DNAH9: variants seen among roughly 807,000 people sequenced by gnomAD.
The protein encoded by DNAH9 is dynein axonemal heavy chain 9.
Under a neutral mutation model 471.6 loss-of-function variants are expected in DNAH9, and 345 were observed. The observed-to-expected ratio is 0.73, with a 90% CI of 0.67 to 0.80. The LOEUF is 0.80. DNAH9 is among the 30% of genes least tolerant of loss of function. DNAH9 has a pLI of 0.00. For synonymous variants in DNAH9, 2,093 were observed against 2,123.6 expected (o/e 0.99, Z 0.40); for missense variants, 5,407 against 5,609.2 (o/e 0.96, Z 1.15).
Position 11,610,395 on chromosome 17 carries a change from G to A in DNAH9, c.615-1G>A. On this transcript the variant is annotated splice_acceptor_variant, in intron 2 of 68. Transcript: ENST00000262442. LOFTEE classifies it high-confidence loss of function. ...CATTGTTGTTGTTTTGTCTTTCACA[G>A]CTTGGATTCTATAGATAAGTCAGTC... 1 of 1,610,928 alleles carries A rather than the reference G, an allele frequency of 6.2e-7. No individual in the cohort carries two copies. Among genetic ancestry groups the A allele is most frequent in the Non-Finnish European group, 8.5e-7 (1 of 1,178,658 alleles).
chr17:11,633,758 C>T (rs748723194), intron 8 of DNAH9, among the ~76,000 whole-genome samples: 4 of 151,020 alleles, frequency 2.6e-5, no homozygotes, highest in African/African-American at 9.7e-5. Flanking sequence ...AAACTCCATT[C>T]GTGCACTAAG....
In DNAH9 at chr17:11,865,982, G is replaced by A. The variant is rs1346591097; in HGVS notation, c.9934-3152G>A. On this transcript the variant is annotated intron_variant, in intron 50 of 68. Coordinates refer to ENST00000262442, the MANE Select transcript of DNAH9 (RefSeq NM_001372.4). ...TGGTTTGAATTTCCTCCTGTAGCTC[G>A]TAGTTTGATCGTCTGAAGCCTTCTT... Among the ~76,000 whole-genome samples the A allele has an allele frequency of 9.2e-5, 14 of 152,014 alleles. 1 individual carries two copies. Among genetic ancestry groups the A allele is most frequent in the Middle Eastern group, 6.8e-3 (2 of 294 alleles).
At chr17:11,683,463 C>T (rs977021553) in intron 19 of DNAH9, among the ~76,000 whole-genome samples, 36 of 152,222 alleles carry the variant, frequency 2.4e-4, no homozygotes, top group African/African-American at 7.2e-4. Context: ...TGAACCACCA[C>T]GCCCGGCCCA....
At chr17:11,794,083 C>T (rs1049367523) in intron 42 of DNAH9, among the ~76,000 whole-genome samples, 3 of 120,420 alleles carry the variant, frequency 2.5e-5, no homozygotes, top group East Asian at 4.8e-4. Flanking sequence ...CTTGCTCTTT[C>T]GCCCAGGCTG....
Position 11,598,712 on chromosome 17 carries a change from C to CTGGT in DNAH9, c.215_218dup (p.Val74GlyfsTer20). On this transcript the variant is annotated frameshift_variant, in exon 1 of 69. Coordinates refer to ENST00000262442, the MANE Select transcript of DNAH9 (RefSeq NM_001372.4). LOFTEE classifies it high-confidence loss of function. ...TGCTGCCGAGGGGCCGCGGCCGCTG[C>CTGGT]TGGTGGTGCGGCCCGGGCCCAGGGG... 7.3e-7 allele frequency: 1 copy of CTGGT among 1,376,588 alleles called. No homozygotes were observed. Among genetic ancestry groups the CTGGT allele is most frequent in the African/African-American group, 1.5e-5 (1 of 65,260 alleles). 85.3% of individuals were successfully genotyped at this position (1,376,588 alleles called of 1,614,324 possible).
At chr17:11,816,036 C>A (rs921557770) in intron 45 of DNAH9, among the ~76,000 whole-genome samples, 1 of 152,100 alleles carries the variant, frequency 6.6e-6, no homozygotes, top group Non-Finnish European at 1.5e-5. Context: ...GGATTAACTT[C>A]TACCCACAGT....
At chr17:11,926,038 A>G (rs867175269) in intron 62 of DNAH9, among the ~76,000 whole-genome samples, 21,323 of 114,968 alleles carry the variant, frequency 0.19, 2,409 homozygotes, top group Non-Finnish European at 0.26. Context: ...ATTCTCTGAA[A>G]AAAAAAAAAA....
chr17:11,694,621 T>TTTG (rs2074399179), intron 22 of DNAH9, among the ~76,000 whole-genome samples, 174 bp downstream of exon 22: 1 of 28,670 alleles, frequency 3.5e-5, no homozygotes, highest in East Asian at 9.3e-4. Context: ...TTTCTTGCTT[T>TTTG]CTTGCTTTCT....
intron 38 of DNAH9, among the ~76,000 whole-genome samples, chr17:11,776,273 A>G (rs1232198687): frequency 6.6e-6 from 1 of 151,854 alleles, no homozygotes; most frequent in Non-Finnish European, 1.5e-5. Flanking sequence ...AGTGATATCA[A>G]TGTTAAGATA....
intron 1 of DNAH9, among the ~76,000 whole-genome samples, chr17:11,607,641 C>T (rs924144993): frequency 2.6e-5 from 4 of 152,044 alleles, no homozygotes; most frequent in African/African-American, 9.7e-5. Context: ...GTGATCTCGA[C>T]TCACTGCAAC....
chr17:11,653,715 C>T (rs560665699), intron 14 of DNAH9, among the ~76,000 whole-genome samples: 1 of 152,288 alleles, frequency 6.6e-6, no homozygotes, highest in South Asian at 2.1e-4. Context: ...GAGCCTTAAG[C>T]ACTAATGATT....
At chr17:11,644,526 C>T (rs1201103239) in intron 10 of DNAH9, 105 bp from the exon 11 acceptor site, 9 of 801,966 alleles carry the variant, frequency 1.1e-5, no homozygotes, top group Non-Finnish European at 1.8e-5. Flanking sequence ...TGGAAACGAG[C>T]CAAGGAGCTA....
chr17:11,624,818 C>T (rs2072941189), intron 6 of DNAH9, among the ~76,000 whole-genome samples: 1 of 152,144 alleles, frequency 6.6e-6, no homozygotes, highest in Non-Finnish European at 1.5e-5. Flanking sequence ...TGCCCTTATA[C>T]ACTCTGTTCT....
At chr17:11,785,211 T>C (rs1968819219) in intron 41 of DNAH9, among the ~76,000 whole-genome samples, 1 of 152,014 alleles carries the variant, frequency 6.6e-6, no homozygotes, top group African/African-American at 2.4e-5. Context: ...AGATGTAGTA[T>C]CCTCATGTAG....
At position 11,669,074 on chromosome 17, in the gene DNAH9, A is replaced by T; in HGVS notation, c.2742A>T (p.Ala914=). ...KYLLENTECK[A]GLTPIFEAQL... is the part of the protein sequence containing the mutation. ...TTCTGTGTTTTTCAGAGTGTAAGGC[A>T]GGACTTACCCCAATATTTGAAGCAC... is the stretch of plus-strand genomic sequence containing the variant. The change falls in exon 16 of 69, where the codon GCA becomes GCT. Residue 914 remains alanine, a synonymous_variant. Coordinates refer to ENST00000262442, the MANE Select transcript of DNAH9 (RefSeq NM_001372.4). The T allele has an allele frequency of 3.1e-6, 5 of 1,611,606 alleles. No individual in the cohort carries two copies. The highest frequency in any genetic ancestry group is 4.2e-6 in the Non-Finnish European group (5 of 1,178,276).
At chr17:11,719,897 T>G (rs2150802466) in intron 27 of DNAH9, among the ~76,000 whole-genome samples, 1 of 152,330 alleles carries the variant, frequency 6.6e-6, no homozygotes, top group African/African-American at 2.4e-5. Flanking sequence ...TGTCTTCACA[T>G]AAAAGCTTGA....
At position 11,827,940 on chromosome 17, in the gene DNAH9, T is replaced by C. The variant is rs367798723; in HGVS notation, c.9246+4906T>C. Among the ~76,000 whole-genome samples, 24 of 152,180 alleles carry C rather than the reference T, an allele frequency of 1.6e-4. No individual in the cohort carries two copies. In the South Asian group the frequency reaches 5.0e-3, roughly 32 times the overall value. On this transcript the variant is annotated intron_variant, in intron 48 of 68. Transcript: ENST00000262442. ...ACCTCAGGTGATCCACGTCCTTGGTTCTTTTTACTCTCCTCTTACTCTCAC... is the reference window on the plus strand; with the variant it reads ...ACCTCAGGTGATCCACGTCCTTGGTCCTTTTTACTCTCCTCTTACTCTCAC...
intron 65 of DNAH9, among the ~76,000 whole-genome samples, chr17:11,934,435 ATTTTTTTTTTTTT>A (rs547023975): frequency 3.5e-5 from 3 of 86,032 alleles, no homozygotes; most frequent in African/African-American, 9.2e-5. Context: ...TGACAAACCC[ATTTTTTTTTTTTT>A]TTTTTTTTTT....
chr17:11,763,518 G>A lies in DNAH9; in HGVS notation c.7074G>A (p.Thr2358=), dbSNP rs144815718. The A allele has an allele frequency of 2.9e-4, 471 of 1,613,786 alleles. 4 individuals are homozygous for A. In the East Asian group the frequency reaches 5.9e-3, roughly 20 times the overall value. The stretch of plus-strand genomic sequence containing the variant: ...ACCTTCTGGAATGTCTCCTGACCAC[G>A]GAGGACATCCCTGCAGACTGCCCTA... The part of the protein sequence containing the change: ...VCHLLECLLT[T]EDIPADCPKE... Residue 2358 remains threonine (T), a synonymous_variant, in exon 36 of 69, where the codon ACG becomes ACA. Coordinates refer to ENST00000262442, the MANE Select transcript of DNAH9 (RefSeq NM_001372.4).
Sources: allele counts gnomAD v4.1 joint callset (sites outside exome capture counted in the v4.1 genomes callset), GRCh38; gene constraint gnomAD v4.1.1; transcripts MANE v1.5; gene names NCBI Gene and HGNC (gene_info 2026-07-23, HGNC 2026-07-21).